MEGF10: variants seen among roughly 807,000 people sequenced by gnomAD.
MEGF10 encodes multiple EGF like domains 10.
MEGF10 carries 86 observed loss-of-function variants against 147.5 expected under a neutral mutation model. The ratio of observed to expected loss-of-function variants is 0.58; its 90% confidence interval spans 0.49 to 0.70. The LOEUF (loss-of-function observed/expected upper bound fraction) is 0.70. MEGF10 is among the 30% of genes least tolerant of loss of function. The pLI is 0.00. For synonymous variants in MEGF10, 478 were observed against 525.5 expected, an observed-to-expected ratio of 0.91 and a Z score of 1.24; for missense variants, 1,329 against 1,487.3, an observed-to-expected ratio of 0.89 and a Z score of 1.75.
chr5:127,441,296 G>A (rs1484595428), intron 18 of MEGF10, among the ~76,000 whole-genome samples: 1 of 152,202 alleles, frequency 6.6e-6, no homozygotes, highest in African/African-American at 2.4e-5. Context: ...TGTTGCTGGT[G>A]AGGGAACACA....
the MEGF10 span, among the ~76,000 whole-genome samples, chr5:127,271,966 T>G: frequency 0.039 from 5,951 of 152,250 alleles, 179 homozygotes; most frequent in East Asian, 0.086. Flanking sequence ...CTTTTGTTGC[T>G]ATTGCTTTTG....
At chr5:127,414,482 C>T (rs77568774) in intron 9 of MEGF10, among the ~76,000 whole-genome samples, 2,801 of 152,212 alleles carry the variant, frequency 0.018, 56 homozygotes, top group South Asian at 0.078. Flanking sequence ...AATATCATCA[C>T]AAACATGGTG....
chr5:127,443,166 T>C (rs946185003), intron 19 of MEGF10, 40 bp downstream of exon 19: 5 of 1,574,466 alleles, frequency 3.2e-6, no homozygotes, highest in Non-Finnish European at 3.5e-6. Flanking sequence ...TGCAGTATTG[T>C]GTGAACACCA....
At chr5:127,321,074 A>G (rs1351680512) in intron 1 of MEGF10, among the ~76,000 whole-genome samples, 1 of 152,232 alleles carries the variant, frequency 6.6e-6, no homozygotes, top group African/African-American at 2.4e-5. Context: ...GTGTTATTTT[A>G]GAAAGACTGA....
the MEGF10 span, among the ~76,000 whole-genome samples, chr5:127,234,819 C>T: frequency 2.6e-5 from 4 of 151,876 alleles, no homozygotes; most frequent in African/African-American, 7.3e-5. Flanking sequence ...AGTTCAATAA[C>T]AACTTATTTC....
At chr5:127,247,430 A>AGAG in the MEGF10 span, among the ~76,000 whole-genome samples, 1 of 104,694 alleles carries the variant, frequency 9.6e-6, no homozygotes, top group Non-Finnish European at 1.9e-5. Context: ...AAGAAGAAGA[A>AGAG]GAAGAAGAAG....
chr5:127,381,133 G>T (rs1763243976), intron 5 of MEGF10, among the ~76,000 whole-genome samples: 1 of 152,138 alleles, frequency 6.6e-6, no homozygotes, highest in South Asian at 2.1e-4. Context: ...TTCTCAAGGT[G>T]GAAATTCTAT....
intron 13 of MEGF10, among the ~76,000 whole-genome samples, chr5:127,425,437 G>C (rs953324067): frequency 6.6e-6 from 1 of 152,182 alleles, no homozygotes; most frequent in African/African-American, 2.4e-5. Context: ...AGTTGCCCCA[G>C]TGTCTCATTT....
chr5:127,439,271 G>C (rs1445899189), intron 17 of MEGF10, among the ~76,000 whole-genome samples: 1 of 152,202 alleles, frequency 6.6e-6, no homozygotes, highest in Non-Finnish European at 1.5e-5. Context: ...GGGGAAGGAA[G>C]ATCATTCTCT....
intron 22 of MEGF10, among the ~76,000 whole-genome samples, chr5:127,452,295 G>A (rs879473602): frequency 4.6e-5 from 7 of 152,174 alleles, no homozygotes; most frequent in Non-Finnish European, 7.3e-5. Flanking sequence ...GATTAAAATG[G>A]GCATTTAATA....
chr5:127,372,158 T>C (rs3909351), intron 5 of MEGF10, among the ~76,000 whole-genome samples: 35,332 of 152,134 alleles, frequency 0.23, 4,539 homozygotes, highest in African/African-American at 0.35. Context: ...ATCTCCCCCC[T>C]GCTTTGGTTA....
At chr5:127,343,109 G>A (rs1419306470) in intron 4 of MEGF10, among the ~76,000 whole-genome samples, 1 of 152,056 alleles carries the variant, frequency 6.6e-6, no homozygotes, top group Non-Finnish European at 1.5e-5. Flanking sequence ...CATGATTCTT[G>A]TTTGTGTTTT....
chr5:127,318,245 C>T (rs980364404), intron 1 of MEGF10, among the ~76,000 whole-genome samples: 2 of 152,114 alleles, frequency 1.3e-5, no homozygotes, highest in Non-Finnish European at 2.9e-5. Flanking sequence ...GCCTCCAGAA[C>T]TGTGAGAAAT....
At chr5:127,407,103 G>C (rs1388133406) in intron 8 of MEGF10, among the ~76,000 whole-genome samples, 1 of 152,172 alleles carries the variant, frequency 6.6e-6, no homozygotes, top group Non-Finnish European at 1.5e-5. Flanking sequence ...AGGAATTGGG[G>C]GAATGCAGCA....
chr5:127,363,957 T>G (rs963765480), intron 4 of MEGF10, among the ~76,000 whole-genome samples: 2 of 152,134 alleles, frequency 1.3e-5, no homozygotes, highest in African/African-American at 4.8e-5. Flanking sequence ...AGGAAAAAAG[T>G]GTGTGAAGCA....
chr5:127,295,321 C>A (rs1759445110), intron 1 of MEGF10, among the ~76,000 whole-genome samples: 1 of 152,160 alleles, frequency 6.6e-6, no homozygotes, highest in Non-Finnish European at 1.5e-5. Context: ...AAACTTTACA[C>A]AATTTTGGTT....
At chr5:127,231,134 A>G in the MEGF10 span, among the ~76,000 whole-genome samples, 1 of 152,194 alleles carries the variant, frequency 6.6e-6, no homozygotes, top group African/African-American at 2.4e-5. Flanking sequence ...GAGTTTATGC[A>G]GTAGTCTCCT....
intron 1 of MEGF10, among the ~76,000 whole-genome samples, chr5:127,308,389 C>T (rs1461842472): frequency 6.6e-6 from 1 of 152,122 alleles, no homozygotes; most frequent in Non-Finnish European, 1.5e-5. Context: ...ACAAACAAAT[C>T]AGTTTGAATT....
intron 4 of MEGF10, among the ~76,000 whole-genome samples, chr5:127,359,191 T>A (rs1460572294): frequency 6.6e-6 from 1 of 152,092 alleles, no homozygotes; most frequent in Non-Finnish European, 1.5e-5. Context: ...AATACCTTCA[T>A]AGGCATTTAA....
Sources: allele counts gnomAD v4.1 joint callset (sites outside exome capture counted in the v4.1 genomes callset), GRCh38; gene constraint gnomAD v4.1.1; transcripts MANE v1.5; gene names NCBI Gene and HGNC (gene_info 2026-07-23, HGNC 2026-07-21).